The following FAM76A variants were observed in gnomAD, a reference collection of about 807,000 sequenced individuals.
FAM76A encodes the protein protein FAM76A.
FAM76A carries 32 observed loss-of-function variants against 46.2 expected under a neutral mutation model. The ratio of observed to expected loss-of-function variants is 0.69; its 90% CI spans 0.52 to 0.93. The LOEUF is 0.93. Ranked by LOEUF, FAM76A falls within the 40% of genes least tolerant of loss-of-function variation. FAM76A has a pLI of 0.00. For synonymous variants in FAM76A, 137 were observed against 127.0 expected (o/e 1.08, Z -0.53); for missense variants, 274 against 361.5 (o/e 0.76, Z 1.96).
intron 1 of FAM76A, 78 bp from the exon 2 acceptor site, chr1:27,727,394 G>A (rs1349637198): frequency 1.7e-6 from 2 of 1,151,686 alleles, no homozygotes; most frequent in African/African-American, 3.0e-5. Context: ...GCTAGAAATA[G>A]TACCCAGGTC....
At chr1:27,747,279 A>C (rs2088256298) in intron 5 of FAM76A, among the ~76,000 whole-genome samples, 1 of 152,236 alleles carries the variant, frequency 6.6e-6, no homozygotes, top group Non-Finnish European at 1.5e-5. Context: ...GATGTAATTC[A>C]GATTCAGGGC....
In FAM76A at chr1:27,726,171, C is replaced by G. The variant is rs774802281; in HGVS notation, c.81+10C>G. ...GCAGCAGCTGTGCAAGGTGCGCGGG[C>G]TGGGGCGGCGGCCGGGAACTGGGGA... On this transcript the variant is annotated intron_variant, in intron 1 of 8. Transcript: ENST00000373954. The G allele has an allele frequency of 7.8e-7, 1 of 1,276,242 alleles. No homozygotes were observed. The highest frequency in any genetic ancestry group is 2.9e-5 in the South Asian group (1 of 34,832). The allele number at this position is 1,276,242 out of a possible 1,614,324, so 79.1% of individuals were successfully genotyped here.
At chr1:27,744,565 C>G in intron 4 of FAM76A, 89 bp from the exon 5 acceptor site, 2 of 1,420,476 alleles carry the variant, frequency 1.4e-6, no homozygotes, top group Non-Finnish European at 2.0e-6. Flanking sequence ...AGAACTGGGA[C>G]TGAACCCAAA....
intron 4 of FAM76A, among the ~76,000 whole-genome samples, chr1:27,743,585 G>A (rs1242372350): frequency 6.6e-6 from 1 of 152,156 alleles, no homozygotes; most frequent in East Asian, 1.9e-4. Context: ...GCAACATGGT[G>A]AAACCCTGTC....
chr1:27,756,188 G>A (rs1019475481), intron 7 of FAM76A, among the ~76,000 whole-genome samples: 8 of 152,170 alleles, frequency 5.3e-5, no homozygotes, highest in South Asian at 2.1e-4. Flanking sequence ...CCTGAACAGC[G>A]TTCATGTGGG....
intron 6 of FAM76A, among the ~76,000 whole-genome samples, chr1:27,752,572 CT>C (rs891750354): frequency 5.3e-4 from 81 of 151,972 alleles, no homozygotes; most frequent in Middle Eastern, 3.2e-3. Flanking sequence ...AAAGGACATT[CT>C]TTTTTTTAAC....
At chr1:27,744,418 C>T (rs1027505805) in intron 4 of FAM76A, among the ~76,000 whole-genome samples, 4 of 152,270 alleles carry the variant, frequency 2.6e-5, no homozygotes, top group South Asian at 2.1e-4. Context: ...TGAGCCACCG[C>T]GCCCGGCCCG....
At chr1:27,741,608 C>T (rs933298068) in intron 4 of FAM76A, among the ~76,000 whole-genome samples, 4 of 151,864 alleles carry the variant, frequency 2.6e-5, no homozygotes, top group African/African-American at 7.3e-5. Flanking sequence ...GGCCAGGCAA[C>T]GGTGGCTTAC....
intron 2 of FAM76A, among the ~76,000 whole-genome samples, chr1:27,729,052 T>G (rs914517717): frequency 1.3e-5 from 2 of 151,818 alleles, no homozygotes; most frequent in African/African-American, 2.4e-5. Context: ...TTTTTTTTGG[T>G]ACCAAGTTTG....
intron 7 of FAM76A, among the ~76,000 whole-genome samples, chr1:27,757,975 T>C (rs1214224552): frequency 7.6e-6 from 1 of 131,974 alleles, no homozygotes; most frequent in African/African-American, 3.7e-5. Flanking sequence ...AGACTCCATC[T>C]CAAAAAAAAA....
chr1:27,746,973 C>T (rs2148580002), intron 5 of FAM76A, among the ~76,000 whole-genome samples: 1 of 152,228 alleles, frequency 6.6e-6, no homozygotes, highest in Non-Finnish European at 1.5e-5. Context: ...ACTTGGGTGG[C>T]TGAGATAGGA....
chr1:27,729,348 G>A (rs902985074), intron 2 of FAM76A, among the ~76,000 whole-genome samples: 9 of 151,716 alleles, frequency 5.9e-5, no homozygotes, highest in Non-Finnish European at 1.3e-4. Flanking sequence ...GCTGGGACCA[G>A]GGGTGCACAC....
At chr1:27,726,490 C>A (rs956506985) in intron 1 of FAM76A, among the ~76,000 whole-genome samples, 1 of 152,208 alleles carries the variant, frequency 6.6e-6, no homozygotes, top group Admixed American at 6.5e-5. Context: ...CCCGCCGCCG[C>A]GGTCTCCCTG....
intron 4 of FAM76A, among the ~76,000 whole-genome samples, chr1:27,742,856 C>T (rs1297631591): frequency 2.0e-5 from 3 of 151,874 alleles, no homozygotes; most frequent in Non-Finnish European, 4.4e-5. Flanking sequence ...GTCAGGAGTT[C>T]GAGACCAGCC....
intron 4 of FAM76A, chr1:27,739,558 AG>A: frequency 3.1e-6 from 1 of 320,216 alleles, no homozygotes; most frequent in South Asian, 2.7e-5. Flanking sequence ...AGGCCGAGGC[AG>A]GTGGATCACT....
chr1:27,756,974 A>C (rs1194694811), intron 7 of FAM76A, among the ~76,000 whole-genome samples: 3 of 151,662 alleles, frequency 2.0e-5, no homozygotes, highest in Non-Finnish European at 4.4e-5. Context: ...TGGGAGGATC[A>C]CCTTAGCCTG....
intron 5 of FAM76A, among the ~76,000 whole-genome samples, chr1:27,746,284 A>C (rs112611896): frequency 5.3e-4 from 80 of 152,294 alleles, no homozygotes; most frequent in African/African-American, 1.8e-3. Flanking sequence ...ATTTGGGTGA[A>C]TAGATAGAGC....
Position 27,734,040 on chromosome 1 carries a change from T to C in FAM76A, c.211T>C (p.Cys71Arg). 3 of 1,606,952 alleles carry C rather than the reference T, an allele frequency of 1.9e-6. No homozygotes were observed. Among genetic ancestry groups the C allele is most frequent in the Non-Finnish European group, 2.5e-6 (3 of 1,178,598 alleles). ...TTTTTCCCCTTTTAAGCCCAAACCT[T>C]GTCAGTATTGCAACATAATTGCAGC... ...NVQLYGTPKP[C>R]QYCNIIAAFI... The change falls in exon 4 of 9, where the codon TGT (cysteine) becomes CGT (arginine). Residue 71 changes from cysteine to arginine, a missense_variant. Transcript: ENST00000373954.
chr1:27,730,939 A>G (rs1357801934), intron 2 of FAM76A, among the ~76,000 whole-genome samples: 2 of 152,154 alleles, frequency 1.3e-5, no homozygotes, highest in Non-Finnish European at 2.9e-5. Context: ...CTGGGATTAC[A>G]GGCATGAGCC....
Sources: gnomAD v4.1 joint callset for allele counts (sites outside exome capture counted in the v4.1 genomes callset) on GRCh38, gnomAD v4.1.1 for gene constraint, MANE v1.5 for transcripts, NCBI Gene and HGNC (gene_info 2026-07-23, HGNC 2026-07-21) for gene names.